Variants in GPR158 observed in about 807,000 individuals in gnomAD.
The protein encoded by GPR158 is G protein-coupled receptor 158.
GPR158 carries 30 observed loss-of-function variants against 78.2 expected under a neutral mutation model. The observed-to-expected ratio is 0.38, with a 90% CI of 0.29 to 0.52. The LOEUF is 0.52. Ranked by LOEUF, GPR158 falls within the 20% of genes least tolerant of loss-of-function variation. GPR158 has a pLI of 0.83. For synonymous variants in GPR158, 581 were observed against 591.1 expected, an observed-to-expected ratio of 0.98 and a Z score of 0.25; for missense variants, 1,463 against 1,523.5, an observed-to-expected ratio of 0.96 and a Z score of 0.66.
intron 2 of GPR158, among the ~76,000 whole-genome samples, chr10:25,349,303 G>A (rs1588815424): frequency 1.3e-5 from 2 of 152,004 alleles, no homozygotes; most frequent in East Asian, 3.9e-4. Context: ...GGACACCTGT[G>A]ATCACATTGG....
At chr10:25,571,496 GAATGA>G (rs1837007594) in intron 6 of GPR158, among the ~76,000 whole-genome samples, 1 of 152,248 alleles carries the variant, frequency 6.6e-6, no homozygotes, top group South Asian at 2.1e-4. Context: ...ATTATTCAAA[GAATGA>G]AGTGAAGGAG....
chr10:25,323,885 A>G (rs7094335), intron 2 of GPR158, among the ~76,000 whole-genome samples: 116 of 152,246 alleles, frequency 7.6e-4, no homozygotes, highest in African/African-American at 2.7e-3. Flanking sequence ...TTCACCTTGC[A>G]CTTTTATGTT....
chr10:25,285,884 G>A (rs1209310868), intron 2 of GPR158, among the ~76,000 whole-genome samples: 1 of 152,090 alleles, frequency 6.6e-6, no homozygotes, highest in Non-Finnish European at 1.5e-5. Context: ...ATCTTGAAAG[G>A]TAATTTCACT....
At chr10:25,473,587 G>T (rs1295772121) in intron 5 of GPR158, among the ~76,000 whole-genome samples, 1 of 152,090 alleles carries the variant, frequency 6.6e-6, no homozygotes, top group East Asian at 1.9e-4. Context: ...TCTGGTGCTG[G>T]ACTTTTTTTG....
chr10:25,429,905 T>C (rs1834876692), intron 4 of GPR158, among the ~76,000 whole-genome samples: 1 of 140,282 alleles, frequency 7.1e-6, no homozygotes, highest in Admixed American at 7.2e-5. Context: ...GCCAATATCA[T>C]ACTGAATGGG....
chr10:25,509,791 A>G (rs2130667741), intron 5 of GPR158, among the ~76,000 whole-genome samples: 1 of 152,312 alleles, frequency 6.6e-6, no homozygotes, highest in Non-Finnish European at 1.5e-5. Flanking sequence ...ATCTCCGCTC[A>G]CCACAACCTC....
intron 2 of GPR158, among the ~76,000 whole-genome samples, chr10:25,322,274 G>A (rs113338139): frequency 0.086 from 13,023 of 151,982 alleles, 1,104 homozygotes; most frequent in African/African-American, 0.21. Context: ...CCAGCTACTC[G>A]GGAGACTGAG....
intron 2 of GPR158, among the ~76,000 whole-genome samples, chr10:25,252,331 A>G (rs1312682204): frequency 1.3e-5 from 2 of 152,176 alleles, no homozygotes; most frequent in African/African-American, 2.4e-5. Flanking sequence ...GTCATTCTCC[A>G]TCCAGCTTTG....
At chr10:25,525,960 G>A (rs1253391670) in intron 5 of GPR158, among the ~76,000 whole-genome samples, 1 of 151,834 alleles carries the variant, frequency 6.6e-6, no homozygotes, top group African/African-American at 2.4e-5. Context: ...ACAAAAATTA[G>A]CCAGATGTGG....
At chr10:25,335,036 TAGAG>T (rs1855178523) in intron 2 of GPR158, among the ~76,000 whole-genome samples, 2 of 152,202 alleles carry the variant, frequency 1.3e-5, no homozygotes, top group Admixed American at 6.5e-5. Context: ...CATTTATTTT[TAGAG>T]AGAACATTGC....
chr10:25,450,301 G>A (rs556598221), intron 4 of GPR158, among the ~76,000 whole-genome samples: 3 of 151,906 alleles, frequency 2.0e-5, no homozygotes, highest in South Asian at 2.1e-4. Flanking sequence ...TGGAAGAGCT[G>A]AGGGGCAAGC....
chr10:25,335,401 A>G (rs1396406909), intron 2 of GPR158, among the ~76,000 whole-genome samples: 1 of 152,082 alleles, frequency 6.6e-6, no homozygotes, highest in Non-Finnish European at 1.5e-5. Flanking sequence ...AGGATGGAAT[A>G]TTGTTTTTAT....
At chr10:25,440,467 G>A (rs1191806174) in intron 4 of GPR158, among the ~76,000 whole-genome samples, 1 of 152,138 alleles carries the variant, frequency 6.6e-6, no homozygotes, top group Non-Finnish European at 1.5e-5. Flanking sequence ...TTCCATAATA[G>A]CACCCTTCTA....
chr10:25,383,479 AGGGG>A (rs1372341640), intron 2 of GPR158, among the ~76,000 whole-genome samples: 1 of 152,134 alleles, frequency 6.6e-6, no homozygotes, highest in Admixed American at 6.6e-5. Context: ...CTGAGGCACA[AGGGG>A]GGTTTCGTTT....
At chr10:25,511,005 A>G (rs1836077248) in intron 5 of GPR158, among the ~76,000 whole-genome samples, 1 of 152,188 alleles carries the variant, frequency 6.6e-6, no homozygotes, top group South Asian at 2.1e-4. Flanking sequence ...TGCTATAACC[A>G]TGCATGTGCA....
intron 4 of GPR158, among the ~76,000 whole-genome samples, chr10:25,420,967 T>C (rs560881315): frequency 2.1e-4 from 32 of 152,190 alleles, no homozygotes; most frequent in Non-Finnish European, 4.0e-4. Flanking sequence ...TTTATGTAGA[T>C]TTTAGGATGT....
intron 4 of GPR158, among the ~76,000 whole-genome samples, chr10:25,439,897 A>T (rs555930699): frequency 6.6e-6 from 1 of 152,292 alleles, no homozygotes; most frequent in South Asian, 2.1e-4. Context: ...CGGGTCTCTA[A>T]GGCTACAGGA....
intron 5 of GPR158, among the ~76,000 whole-genome samples, chr10:25,495,235 C>T (rs1247721040): frequency 2.1e-5 from 3 of 145,984 alleles, no homozygotes; most frequent in Non-Finnish European, 3.0e-5. Flanking sequence ...GGTAAAAATT[C>T]GTGGATAACT....
At position 25,478,192 on chromosome 10, in the gene GPR158, TAGAG is replaced by T. The variant is rs957957352; in HGVS notation, c.1404+11476_1404+11479del. Among the ~76,000 whole-genome samples, 51 of 152,292 alleles carry T rather than the reference TAGAG, an allele frequency of 3.3e-4. 1 individual carries two copies. The highest frequency in any genetic ancestry group is 1.0e-3 in the African/African-American group (42 of 41,572). On this transcript the variant is annotated intron_variant, in intron 5 of 10. Transcript: ENST00000376351. ...TTAGTTGAAAGAGTTTTAATAAACT[TAGAG>T]AGCCTTAAAAAATTGAGAGTTGGAA...
Sources: gnomAD v4.1 joint callset for allele counts (sites outside exome capture counted in the v4.1 genomes callset) on GRCh38, gnomAD v4.1.1 for gene constraint, MANE v1.5 for transcripts, NCBI Gene and HGNC (gene_info 2026-07-23, HGNC 2026-07-21) for gene names.